The following FLRT2 variants were observed in gnomAD, a reference collection of about 807,000 sequenced individuals.
FLRT2 encodes the protein fibronectin leucine rich transmembrane protein 2, also known as leucine-rich repeat transmembrane protein FLRT2.
A neutral mutation model predicts 40.0 loss-of-function variants in FLRT2; 15 were observed. The observed-to-expected ratio is 0.38, with a 90% CI of 0.25 to 0.58. The LOEUF (loss-of-function observed/expected upper bound fraction) is 0.58, where lower values mean the gene tolerates loss of function less well. Among genes scored for constraint, FLRT2 ranks in the 20% least tolerant of loss-of-function variants. The pLI is 0.71. For missense variants in FLRT2, 726 were observed against 840.0 expected (o/e 0.86, Z 1.68); for synonymous variants, 380 against 336.8 (o/e 1.13, Z -1.41).
chr14:85,597,060 T>C (rs971974134), intron 1 of FLRT2, among the ~76,000 whole-genome samples: 11 of 152,176 alleles, frequency 7.2e-5, no homozygotes, highest in Non-Finnish European at 5.9e-5. Flanking sequence ...GCTATCCAAG[T>C]TTGGATCAAA....
chr14:85,588,212 GCTT>G (rs1436250358), intron 1 of FLRT2, among the ~76,000 whole-genome samples: 1 of 151,954 alleles, frequency 6.6e-6, no homozygotes, highest in Non-Finnish European at 1.5e-5. Flanking sequence ...TCCTCTTATA[GCTT>G]CTTCTCCTCA....
At chr14:85,571,757 A>G (rs1168893621) in intron 1 of FLRT2, among the ~76,000 whole-genome samples, 1 of 152,070 alleles carries the variant, frequency 6.6e-6, no homozygotes. Context: ...GTGTCTCATG[A>G]TGTGGTGTGT....
intron 1 of FLRT2, among the ~76,000 whole-genome samples, chr14:85,606,521 CTTTTTTTT>C (rs532159794): frequency 1.2e-4 from 12 of 99,962 alleles, no homozygotes; most frequent in African/African-American, 4.6e-4. Context: ...AGCTGTTACT[CTTTTTTTT>C]TTTTTTTTTT....
In FLRT2 at chr14:85,644,344, A is replaced by G. The variant is rs1447603341; in HGVS notation, c.*20847A>G. ...TTTATCTCAATAGGCAAAGAACACT[A>G]AAGTAGTCTGCTTTCACTTTCATTA... On this transcript the variant is annotated 3_prime_UTR_variant, in exon 2 of 2. Coordinates refer to ENST00000330753, the MANE Select transcript of FLRT2 (RefSeq NM_013231.6). 6.6e-6 allele frequency: 1 copy of G among 152,182 alleles called. No homozygotes were observed. Among genetic ancestry groups the G allele is most frequent in the African/African-American group, 2.4e-5 (1 of 41,440 alleles). 9.4% of individuals were successfully genotyped at this position (152,182 alleles called of 1,614,324 possible).
At chr14:85,568,561 G>T (rs1890739838) in intron 1 of FLRT2, among the ~76,000 whole-genome samples, 1 of 152,132 alleles carries the variant, frequency 6.6e-6, no homozygotes, top group African/African-American at 2.4e-5. Flanking sequence ...GGACCAAATT[G>T]CACAAGAGGT....
intron 1 of FLRT2, among the ~76,000 whole-genome samples, chr14:85,586,629 G>GT (rs1891627311): frequency 6.6e-6 from 1 of 151,948 alleles, no homozygotes; most frequent in African/African-American, 2.4e-5. Context: ...TTCTTACACA[G>GT]TTTAGGAATT....
chr14:85,535,696 T>TTAA (rs1888604739), intron 1 of FLRT2, among the ~76,000 whole-genome samples: 1 of 152,126 alleles, frequency 6.6e-6, no homozygotes. Context: ...TAGGGATTTT[T>TTAA]TAATAATCAC....
intron 1 of FLRT2, among the ~76,000 whole-genome samples, chr14:85,533,094 C>T (rs2139793443): frequency 6.6e-6 from 1 of 152,298 alleles, no homozygotes; most frequent in Admixed American, 6.5e-5. Context: ...TGGGTAGCAG[C>T]CGCGCCTCCC....
At chr14:85,536,118 T>C (rs1206933393) in intron 1 of FLRT2, among the ~76,000 whole-genome samples, 1 of 152,052 alleles carries the variant, frequency 6.6e-6, no homozygotes, top group African/African-American at 2.4e-5. Context: ...TGTGATCATA[T>C]ACGAGTTTGA....
intron 1 of FLRT2, among the ~76,000 whole-genome samples, chr14:85,567,015 C>T (rs1890653816): frequency 6.6e-6 from 1 of 152,036 alleles, no homozygotes; most frequent in South Asian, 2.1e-4. Context: ...GAAACAGTGT[C>T]ATTGAAAGTT....
rs1343789365 is a variant in FLRT2, at chr14:85,636,037, G to A, written c.*12540G>A. 6.6e-6 allele frequency: 1 copy of A among 152,026 alleles called. No individual in the cohort carries two copies. The highest frequency in any genetic ancestry group is 2.4e-5 in the African/African-American group (1 of 41,408). 9.4% of individuals were successfully genotyped at this position (152,026 alleles called of 1,614,324 possible). A position where few individuals can be genotyped will look rare whatever the true frequency, so the allele number is the denominator to read the frequency against. On this transcript the variant is annotated 3_prime_UTR_variant, in exon 2 of 2. Coordinates refer to ENST00000330753, the MANE Select transcript of FLRT2 (RefSeq NM_013231.6). ...GCTTGTAATTGTGTAATTGGAAAGTGGTCCTTGGGACTCAGATTAAGGTAT... is the reference window on the plus strand; with the variant it reads ...GCTTGTAATTGTGTAATTGGAAAGTAGTCCTTGGGACTCAGATTAAGGTAT...
chr14:85,543,544 G>T (rs1182267322), intron 1 of FLRT2, among the ~76,000 whole-genome samples: 6 of 150,874 alleles, frequency 4.0e-5, no homozygotes, highest in African/African-American at 1.5e-4. Flanking sequence ...AAAAAATAAA[G>T]AAATCACATC....
chr14:85,651,407 G>A lies in FLRT2; in HGVS notation c.*27910G>A, dbSNP rs1894430643. 2 of 151,702 alleles carry A rather than the reference G, an allele frequency of 1.3e-5. No homozygotes were observed. Among genetic ancestry groups the A allele is most frequent in the African/African-American group, 4.8e-5 (2 of 41,304 alleles). 9.4% of individuals were successfully genotyped at this position (151,702 alleles called of 1,614,324 possible). ...AACTCCATTACATTAAGCTAATATC[G>A]CTTCATTTTATCTCTCATCACATTT... On this transcript the variant is annotated 3_prime_UTR_variant, in exon 2 of 2. Transcript: ENST00000330753.
chr14:85,544,319 T>C (rs1889154456), intron 1 of FLRT2, among the ~76,000 whole-genome samples: 2 of 152,216 alleles, frequency 1.3e-5, no homozygotes, highest in Admixed American at 1.3e-4. Context: ...ATGATACACC[T>C]TTCTTGGCAC....
At position 85,639,119 on chromosome 14, in the gene FLRT2, G is replaced by GT. The variant is rs1053092247; in HGVS notation, c.*15623dup. The stretch of plus-strand genomic sequence containing the variant: ...TTCCAGAGCAGGCAGTCTCTATTCT[G>GT]TAACAAGGTTTTCTCATGATCCAGT... On this transcript the variant is annotated 3_prime_UTR_variant, in exon 2 of 2. Coordinates refer to ENST00000330753, the MANE Select transcript of FLRT2 (RefSeq NM_013231.6). 2.0e-5 allele frequency: 3 copies of GT among 152,158 alleles called. No homozygotes were observed. The highest frequency in any genetic ancestry group is 4.4e-5 in the Non-Finnish European group (3 of 68,022). The allele number at this position is 152,158 out of a possible 1,614,324, so 9.4% of individuals were successfully genotyped here. A position where few individuals can be genotyped will look rare whatever the true frequency, so the allele number is the denominator to read the frequency against.
chr14:85,554,347 A>G (rs1028064487), intron 1 of FLRT2, among the ~76,000 whole-genome samples: 3 of 152,232 alleles, frequency 2.0e-5, no homozygotes, highest in African/African-American at 7.2e-5. Context: ...GTGCCCTTAC[A>G]ACAGAGTGGA....
At chr14:85,569,691 G>C (rs1470623141) in intron 1 of FLRT2, among the ~76,000 whole-genome samples, 1 of 152,160 alleles carries the variant, frequency 6.6e-6, no homozygotes, top group African/African-American at 2.4e-5. Context: ...GTTTGTTTTG[G>C]TTTTAGCAGA....
chr14:85,600,894 G>A (rs1382829635), intron 1 of FLRT2, among the ~76,000 whole-genome samples: 2 of 152,320 alleles, frequency 1.3e-5, no homozygotes, highest in East Asian at 3.9e-4. Flanking sequence ...GCTGCACAGA[G>A]TGTTATCCAT....
chr14:85,611,917 CGTGTG>C (rs1299678789), intron 1 of FLRT2, among the ~76,000 whole-genome samples: 1 of 130,932 alleles, frequency 7.6e-6, no homozygotes, highest in African/African-American at 2.8e-5. Flanking sequence ...TGCGCGAAAG[CGTGTG>C]TGTGTGTGTG....
Sources: allele counts gnomAD v4.1 joint callset (sites outside exome capture counted in the v4.1 genomes callset), GRCh38; gene constraint gnomAD v4.1.1; transcripts MANE v1.5; gene names NCBI Gene and HGNC (gene_info 2026-07-23, HGNC 2026-07-21).